Variants in SKOR2 observed in about 807,000 individuals in gnomAD.
SKOR2 encodes the protein LBX1 corepressor 1-like protein.
In SKOR2, 47 loss-of-function variants were observed where a neutral mutation model predicts 69.1. The ratio of observed to expected loss-of-function variants is 0.68; its 90% CI spans 0.54 to 0.87. The LOEUF (loss-of-function observed/expected upper bound fraction) is 0.87, where lower values mean the gene tolerates loss of function less well. SKOR2 is among the 40% of genes least tolerant of loss of function. The pLI is 0.00. For missense variants in SKOR2, 1,404 were observed against 1,472.2 expected, an observed-to-expected ratio of 0.95 and a Z score of 0.76; for synonymous variants, 717 against 672.6, an observed-to-expected ratio of 1.07 and a Z score of -1.02.
At chr18:47,210,629 G>T (rs559885520) in intron 8 of SKOR2, among the ~76,000 whole-genome samples, 8 of 152,178 alleles carry the variant, frequency 5.3e-5, no homozygotes, top group African/African-American at 1.9e-4. Context: ...CACACTGCTC[G>T]TGCAAACCTG....
At chr18:47,246,444 A>C in intron 2 of SKOR2, 127 bp downstream of exon 2, 2 of 1,267,556 alleles carry the variant, frequency 1.6e-6, no homozygotes, top group Non-Finnish European at 2.0e-6. Flanking sequence ...TCCTAAACAC[A>C]CTGAATATTT....
At chr18:47,218,436 A>C (rs1404402906) in intron 7 of SKOR2, among the ~76,000 whole-genome samples, 2 of 151,888 alleles carry the variant, frequency 1.3e-5, no homozygotes, top group Admixed American at 1.3e-4. Context: ...CAAAAAATTA[A>C]AAAATTAATC....
At chr18:47,212,284 C>T (rs2064130257) in intron 7 of SKOR2, 133 bp from the exon 8 acceptor site, 1 of 774,092 alleles carries the variant, frequency 1.3e-6, no homozygotes, top group African/African-American at 1.8e-5. Flanking sequence ...TCTCCATCTG[C>T]TCAGCGGTAT....
chr18:47,245,619 G>A lies in SKOR2; in HGVS notation c.2614-58C>T, dbSNP rs2064269606. 5 of 1,418,688 alleles carry A rather than the reference G, an allele frequency of 3.5e-6. No individual in the cohort carries two copies. In the South Asian group the frequency reaches 5.5e-5, roughly 16 times the overall value. 87.9% of individuals were successfully genotyped at this position (1,418,688 alleles called of 1,614,324 possible). ...TGCCCGGATCAAACCATATGCTAAT[G>A]TCAACAGTCAGCAGGAAGAAGCATC... On this transcript the variant is annotated intron_variant, in intron 2 of 8. Transcript: ENST00000425639.
rs1002387020 is a variant in SKOR2, at chr18:47,246,680, G to A, written c.2504C>T (p.Pro835Leu). Residue 835 changes from proline to leucine, a missense_variant, in exon 2 of 9, where the codon CCG (proline) becomes CTG (leucine). Transcript: ENST00000425639. ...GGGGGCCAGGGGCGGCGGCGGGGGCGGGGGCAGGTCCGAGCCGGGGTCCCC... is the reference window on the plus strand; with the variant it reads ...GGGGGCCAGGGGCGGCGGCGGGGGCAGGGGCAGGTCCGAGCCGGGGTCCCC... ...KLGDPGSDLP[P>L]PPPPPLAPQK... The A allele has an allele frequency of 1.1e-5, 17 of 1,499,746 alleles. No individual in the cohort carries two copies. The African/African-American group carries it at 2.5e-4, about 22-fold the overall frequency. 92.9% of individuals were successfully genotyped at this position (1,499,746 alleles called of 1,614,324 possible). A position where few individuals can be genotyped will look rare whatever the true frequency, so the allele number is the denominator to read the frequency against.
chr18:47,245,015 T>C (rs2064265203), intron 3 of SKOR2, 33 bp from the exon 4 acceptor site: 1 of 1,519,440 alleles, frequency 6.6e-7, no homozygotes, highest in African/African-American at 1.4e-5. Context: ...AATCTGCAAG[T>C]GATCCAACTG....
At chr18:47,218,554 C>T (rs1223449239) in intron 7 of SKOR2, among the ~76,000 whole-genome samples, 3 of 137,886 alleles carry the variant, frequency 2.2e-5, no homozygotes, top group Non-Finnish European at 4.5e-5. Flanking sequence ...TGTACCACTG[C>T]ACTCCAGCCT....
intron 1 of SKOR2, 32 bp from the exon 2 acceptor site, chr18:47,249,262 G>A: frequency 1.4e-6 from 2 of 1,451,908 alleles, no homozygotes; most frequent in Non-Finnish European, 1.8e-6. Flanking sequence ...GTTGACTTGA[G>A]CCTTTTCAGA....
chr18:47,227,936 G>T (rs2064184553), intron 6 of SKOR2, among the ~76,000 whole-genome samples: 1 of 152,202 alleles, frequency 6.6e-6, no homozygotes, highest in Non-Finnish European at 1.5e-5. Context: ...ACAGCTCCTA[G>T]CCTAGGTCCA....
Position 47,246,922 on chromosome 18 carries a change from G to T in SKOR2, c.2262C>A (p.Gly754=). ...VDVEGHKPPE[G]EEEEEGRDPD... ...GGTCTCGACCTTCCTCCTCTTCCTCGCCCTCGGGGGGCTTGTGGCCCTCCA... is the reference window on the plus strand; with the variant it reads ...GGTCTCGACCTTCCTCCTCTTCCTCTCCCTCGGGGGGCTTGTGGCCCTCCA... Residue 754 remains glycine, a synonymous_variant, in exon 2 of 9, where the codon GGC becomes GGA. Transcript: ENST00000425639. The T allele has an allele frequency of 6.7e-7, 1 of 1,492,862 alleles. No homozygotes were observed. Among genetic ancestry groups the T allele is most frequent in the South Asian group, 1.3e-5 (1 of 79,044 alleles). 92.5% of individuals were successfully genotyped at this position (1,492,862 alleles called of 1,614,324 possible).
intron 7 of SKOR2, among the ~76,000 whole-genome samples, chr18:47,213,665 T>C (rs2064134952): frequency 6.6e-6 from 1 of 152,038 alleles, no homozygotes; most frequent in African/African-American, 2.4e-5. Flanking sequence ...CATAAACATG[T>C]CAGATAGGCA....
At chr18:47,218,028 A>T (rs563265783) in intron 7 of SKOR2, among the ~76,000 whole-genome samples, 1 of 152,288 alleles carries the variant, frequency 6.6e-6, no homozygotes, top group African/African-American at 2.4e-5. Context: ...TCTTCCATGT[A>T]CCAAATATCT....
Position 47,247,979 on chromosome 18 carries a change from C to T in SKOR2, c.1205G>A (p.Gly402Asp), listed in dbSNP as rs759740663. ...GGVLQKFPGC[G>D]GLFPHPYTFP... ...GGTGTAGGGGTGCGGGAAGAGCCCG[C>T]CGCAGCCCGGGAACTTCTGCAGGAC... is the stretch of plus-strand genomic sequence containing the variant. The change falls in exon 2 of 9, where the codon GGC (glycine) becomes GAC (aspartate). Residue 402 changes from glycine to aspartate, a missense_variant. Gly to Asp is a moderately conservative substitution (Grantham distance 94). This residue lies in a region of SKOR2 where 1,266 missense variants were observed against 1,309.9 expected (regional missense o/e 0.97). Transcript: ENST00000425639. The surrounding 1 kb of genome is among the most constrained non-coding windows in gnomAD (Gnocchi z 6.6). The T allele has an allele frequency of 1.7e-5, 24 of 1,387,112 alleles. No homozygotes were observed. The South Asian group carries it at 3.6e-4, about 21-fold the overall frequency. 85.9% of individuals were successfully genotyped at this position (1,387,112 alleles called of 1,614,324 possible).
intron 4 of SKOR2, among the ~76,000 whole-genome samples, chr18:47,233,331 G>A (rs1267599617): frequency 1.3e-5 from 2 of 152,088 alleles, no homozygotes; most frequent in African/African-American, 4.8e-5. Context: ...TATCTGTGAA[G>A]CATTTTAAAT....
Position 47,248,613 on chromosome 18 carries a change from G to T in SKOR2, c.571C>A (p.His191Asn), listed in dbSNP as rs1282726380. The T allele has an allele frequency of 6.5e-7, 1 of 1,546,870 alleles. No individual in the cohort carries two copies. Among genetic ancestry groups the T allele is most frequent in the East Asian group, 2.4e-5 (1 of 41,596 alleles). ...GTGTACTTGGCGTCGGGCGTGCGGT[G>T]GGAGTGGAAAATGAACTTGTTGGGC... The part of the protein sequence containing the change: ...FSPNKFIFHS[H>N]RTPDAKYTQP... The change falls in exon 2 of 9, where the codon CAC becomes AAC. Residue 191 changes from histidine (H) to asparagine (N), a missense_variant. Coordinates refer to ENST00000425639, the MANE Select transcript of SKOR2 (RefSeq NM_001278063.4). The surrounding 1 kb of genome is among the most constrained non-coding windows in gnomAD (Gnocchi z 6.4).
intron 6 of SKOR2, among the ~76,000 whole-genome samples, chr18:47,226,172 C>G (rs1279856078): frequency 6.6e-6 from 1 of 152,098 alleles, no homozygotes; most frequent in Non-Finnish European, 1.5e-5. Flanking sequence ...ATAAAAACTA[C>G]AGCAAAACGA....
At chr18:47,221,770 T>C (rs767373827) in intron 6 of SKOR2, among the ~76,000 whole-genome samples, 2 of 152,224 alleles carry the variant, frequency 1.3e-5, no homozygotes, top group Non-Finnish European at 2.9e-5. Context: ...GTCTCCCTGC[T>C]AAACAGTTGA....
Position 47,246,952 on chromosome 18 carries a change from C to A in SKOR2, c.2232G>T (p.Val744=). The A allele has an allele frequency of 6.7e-7, 1 of 1,498,274 alleles. No homozygotes were observed. The highest frequency in any genetic ancestry group is 8.8e-7 in the Non-Finnish European group (1 of 1,130,312). 92.8% of individuals were successfully genotyped at this position (1,498,274 alleles called of 1,614,324 possible). A position where few individuals can be genotyped will look rare whatever the true frequency, so the allele number is the denominator to read the frequency against. Residue 744 remains valine (V), a synonymous_variant, in exon 2 of 9, where the codon GTG becomes GTT. Transcript: ENST00000425639. ...DEDDEEEEQE[V]DVEGHKPPEG... ...CGGGGGGCTTGTGGCCCTCCACGTC[C>A]ACCTCCTGCTCTTCTTCCTCGTCGT...
intron 2 of SKOR2, among the ~76,000 whole-genome samples, chr18:47,245,929 A>G (rs1189130550): frequency 1.3e-5 from 2 of 152,128 alleles, no homozygotes; most frequent in Non-Finnish European, 2.9e-5. Flanking sequence ...GTGAGTGAAC[A>G]CTGAATGTTC....
Sources: allele counts gnomAD v4.1 joint callset (sites outside exome capture counted in the v4.1 genomes callset), GRCh38; gene constraint gnomAD v4.1.1; regional missense constraint gnomAD v4.1.1; non-coding constraint Gnocchi (gnomAD v3.1); transcripts MANE v1.5; gene names NCBI Gene and HGNC (gene_info 2026-07-23, HGNC 2026-07-21).